TYW1: variants seen among roughly 807,000 people sequenced by gnomAD.
TYW1 encodes the protein tRNA-yW synthesizing protein 1 homolog.
Under a neutral mutation model 96.2 loss-of-function variants are expected in TYW1, and 46 were observed. The observed-to-expected ratio is 0.48, with a 90% CI of 0.38 to 0.61. TYW1 has a LOEUF of 0.61. Among genes scored for constraint, TYW1 ranks in the 20% least tolerant of loss-of-function variants. TYW1 has a pLI of 0.00. For missense variants in TYW1, 684 were observed against 909.6 expected (o/e 0.75, Z 3.19); for synonymous variants, 274 against 323.0 (o/e 0.85, Z 1.63).
chr7:67,154,279 A>C (rs754266247), intron 13 of TYW1, among the ~76,000 whole-genome samples: 2 of 152,182 alleles, frequency 1.3e-5, no homozygotes, highest in African/African-American at 4.8e-5. Context: ...ACAGTTGAGC[A>C]TACTTTTATT....
intron 13 of TYW1, among the ~76,000 whole-genome samples, chr7:67,149,692 G>C (rs1207346025): frequency 6.9e-6 from 1 of 145,252 alleles, no homozygotes; most frequent in Admixed American, 6.8e-5. Flanking sequence ...TATTTTTCTA[G>C]CTTTGGAGCT....
intron 13 of TYW1, among the ~76,000 whole-genome samples, chr7:67,127,159 C>CTTTTTTTTTTTTTTTT (rs201670664): frequency 7.7e-6 from 1 of 129,756 alleles, no homozygotes; most frequent in African/African-American, 2.8e-5. Context: ...ATAAAATAAT[C>CTTTTTTTTTTTTTTTT]TTTTTTTTTT....
In TYW1 at chr7:67,002,223, A is replaced by T. The variant is rs188771029; in HGVS notation, c.273+3269A>T. On this transcript the variant is annotated intron_variant, in intron 3 of 15. Transcript: ENST00000359626. ...CCACCATGCTGGGCTAATTAAAAAA[A>T]TTTTTTTTGTAGAGATGGGGTCTCC... 4.1e-3 allele frequency among the ~76,000 whole-genome samples: 617 copies of T among 151,348 alleles called. 4 individuals carry two copies. Among genetic ancestry groups the T allele is most frequent in the African/African-American group, 0.014 (561 of 41,332 alleles).
At chr7:67,097,014 A>T (rs1584556131) in intron 11 of TYW1, among the ~76,000 whole-genome samples, 1 of 151,828 alleles carries the variant, frequency 6.6e-6, no homozygotes, top group Non-Finnish European at 1.5e-5. Context: ...TATGTTTGGG[A>T]TATGGCCTGG....
chr7:67,029,136 C>T (rs1482651171), intron 7 of TYW1, among the ~76,000 whole-genome samples: 5 of 151,776 alleles, frequency 3.3e-5, no homozygotes, highest in African/African-American at 9.7e-5. Context: ...GTAGCTGGGA[C>T]TACAGGCGCC....
intron 12 of TYW1, among the ~76,000 whole-genome samples, chr7:67,112,973 C>A (rs978137964): frequency 2.0e-5 from 3 of 152,172 alleles, no homozygotes; most frequent in Non-Finnish European, 4.4e-5. Context: ...CCCCGAATTC[C>A]ATTTGCCATG....
chr7:67,165,112 G>T (rs999333337), intron 13 of TYW1, among the ~76,000 whole-genome samples: 4 of 151,792 alleles, frequency 2.6e-5, no homozygotes, highest in African/African-American at 9.7e-5. Flanking sequence ...ACTCTAGGCA[G>T]CACTGAATAT....
At chr7:67,122,202 A>G (rs1797780281) in intron 13 of TYW1, among the ~76,000 whole-genome samples, 1 of 152,078 alleles carries the variant, frequency 6.6e-6, no homozygotes, top group South Asian at 2.1e-4. Context: ...TTAAAAAAAG[A>G]AAAATGACCA....
chr7:67,029,415 G>GTGTGTATATA lies in TYW1; in HGVS notation c.984+4394_984+4395insGTGTATATAT, dbSNP rs1241213574. ...TGTGTGTGTGTGTGTGTGTGTGTGT[G>GTGTGTATATA]TATATATATATATATATAAATAGTA... On this transcript the variant is annotated intron_variant, in intron 7 of 15. Coordinates refer to ENST00000359626, the MANE Select transcript of TYW1 (RefSeq NM_018264.4). Among the ~76,000 whole-genome samples the GTGTGTATATA allele has an allele frequency of 3.5e-3, 333 of 94,338 alleles. 8 individuals carry two copies. Among genetic ancestry groups the GTGTGTATATA allele is most frequent in the South Asian group, 0.012 (35 of 3,010 alleles). 61.9% of individuals were successfully genotyped at this position (94,338 alleles called of 152,430 possible). A position where few individuals can be genotyped will look rare whatever the true frequency, so the allele number is the denominator to read the frequency against.
chr7:67,194,910 C>T (rs2690208), intron 14 of TYW1, among the ~76,000 whole-genome samples: 5,563 of 121,628 alleles, frequency 0.046, 176 homozygotes, highest in Middle Eastern at 0.12. Flanking sequence ...GCCTAGATTG[C>T]GACAACGGTA....
Position 67,238,441 on chromosome 7 carries a change from C to A in TYW1, c.2111C>A (p.Ala704Glu), listed in dbSNP as rs1341218968. The change falls in exon 16 of 16, where the codon GCA (alanine) becomes GAA (glutamate). Residue 704 changes from alanine (A) to glutamate (E), a missense_variant. Coordinates refer to ENST00000359626, the MANE Select transcript of TYW1 (RefSeq NM_018264.4). ...TATATGGCCAGAACTCCTCACTGGGCATTATTTGGTGCCAGTGAAAGAGGC... is the reference window on the plus strand; with the variant it reads ...TATATGGCCAGAACTCCTCACTGGGAATTATTTGGTGCCAGTGAAAGAGGC... ...KDYMARTPHWALFGASERGFD... is the reference protein window; with the variant it reads ...KDYMARTPHWELFGASERGFD... 5 of 1,613,852 alleles carry A rather than the reference C, an allele frequency of 3.1e-6. No homozygotes were observed. Among genetic ancestry groups the A allele is most frequent in the Non-Finnish European group, 3.4e-6 (4 of 1,179,862 alleles).
At chr7:67,185,834 C>A (rs1800000353) in intron 14 of TYW1, among the ~76,000 whole-genome samples, 1 of 151,502 alleles carries the variant, frequency 6.6e-6, no homozygotes, top group Non-Finnish European at 1.5e-5. Context: ...TCTGGGAAAG[C>A]CAACTCTGCT....
At chr7:67,007,019 A>G (rs1793620113) in intron 3 of TYW1, among the ~76,000 whole-genome samples, 1 of 137,488 alleles carries the variant, frequency 7.3e-6, no homozygotes, top group African/African-American at 2.7e-5. Context: ...CTCAACACCA[A>G]GGGGAGGGCG....
At chr7:67,039,142 C>T (rs1794934925) in intron 7 of TYW1, among the ~76,000 whole-genome samples, 1 of 152,046 alleles carries the variant, frequency 6.6e-6, no homozygotes, top group Non-Finnish European at 1.5e-5. Flanking sequence ...TATTTTGAAG[C>T]CCGGGAAGAG....
chr7:67,124,136 G>C (rs538824932), intron 13 of TYW1, among the ~76,000 whole-genome samples: 3 of 152,252 alleles, frequency 2.0e-5, no homozygotes, highest in Admixed American at 6.5e-5. Flanking sequence ...GAATTCAAAG[G>C]TAAACAGTTA....
At chr7:67,020,727 G>C (rs1201791941) in intron 6 of TYW1, among the ~76,000 whole-genome samples, 21 of 152,236 alleles carry the variant, frequency 1.4e-4, no homozygotes. Context: ...TGGTCTCCTT[G>C]GTTCTAAAAA....
At chr7:67,205,991 C>CT (rs945850814) in intron 15 of TYW1, among the ~76,000 whole-genome samples, 2 of 152,194 alleles carry the variant, frequency 1.3e-5, no homozygotes, top group Non-Finnish European at 1.5e-5. Flanking sequence ...GTAATATCCT[C>CT]TATTTTTAGC....
intron 9 of TYW1, among the ~76,000 whole-genome samples, chr7:67,065,001 A>G (rs1795815362): frequency 6.6e-6 from 1 of 152,212 alleles, no homozygotes; most frequent in South Asian, 2.1e-4. Context: ...AAAACATTCC[A>G]TCCTCTTCTC....
intron 13 of TYW1, among the ~76,000 whole-genome samples, chr7:67,160,299 A>G (rs558747012): frequency 3.9e-5 from 6 of 152,240 alleles, no homozygotes; most frequent in South Asian, 2.1e-4. Context: ...ATTTGTGTCT[A>G]TTATGAACAT....
Sources: gnomAD v4.1 joint callset for allele counts (sites outside exome capture counted in the v4.1 genomes callset) on GRCh38, gnomAD v4.1.1 for gene constraint, MANE v1.5 for transcripts, NCBI Gene and HGNC (gene_info 2026-07-23, HGNC 2026-07-21) for gene names.